Variants in NAPSA observed in about 807,000 individuals in gnomAD.
NAPSA encodes the protein napsin-A.
Under a neutral mutation model 36.7 loss-of-function variants are expected in NAPSA, and 37 were observed. The ratio of observed to expected loss-of-function variants is 1.01; its 90% CI spans 0.78 to 1.33. The LOEUF is 1.33. NAPSA is among the 40% of genes most tolerant of loss of function. The probability of loss-of-function intolerance (pLI) is 0.00; values close to 1 mark genes in which losing one functional copy is unlikely to be tolerated. For synonymous variants in NAPSA, 222 were observed against 234.5 expected, an observed-to-expected ratio of 0.95 and a Z score of 0.49; for missense variants, 532 against 543.8, an observed-to-expected ratio of 0.98 and a Z score of 0.21.
Position 50,361,661 on chromosome 19 carries a change from ACAGT to A in NAPSA, c.466_468+1del. 1 of 1,611,044 alleles carries A rather than the reference ACAGT, an allele frequency of 6.2e-7. No homozygotes were observed. The highest frequency in any genetic ancestry group is 8.5e-7 in the Non-Finnish European group (1 of 1,177,602). On this transcript the variant is annotated splice_donor_variant and coding_sequence_variant, in exon 4 of 9. Coordinates refer to ENST00000253719, the MANE Select transcript of NAPSA (RefSeq NM_004851.3). LOFTEE classifies it high-confidence loss of function. The stretch of plus-strand genomic sequence containing the variant: ...GACTTCTGAGAGTCAAAGGCCACTC[ACAGT>A]CAGCTTGTCCTCGCTCAGGATTCCA...
intron 1 of NAPSA, among the ~76,000 whole-genome samples, chr19:50,364,210 C>A (rs1413237766): frequency 1.3e-5 from 2 of 150,382 alleles, no homozygotes; most frequent in African/African-American, 2.4e-5. Context: ...AATCCCAGCA[C>A]TTTCAGAGGC....
At chr19:50,361,281 T>G (rs1601125157) in intron 4 of NAPSA, 141 bp from the exon 5 acceptor site, 2 of 689,776 alleles carry the variant, frequency 2.9e-6, no homozygotes, top group East Asian at 5.4e-5. Context: ...CTATGCCTCT[T>G]GAGAAGCCCC....
chr19:50,360,925 G>A lies in NAPSA; in HGVS notation c.668+16C>T. 6.2e-7 allele frequency: 1 copy of A among 1,610,754 alleles called. No homozygotes were observed. Among genetic ancestry groups the A allele is most frequent in the South Asian group, 1.1e-5 (1 of 90,968 alleles). On this transcript the variant is annotated intron_variant, in intron 5 of 8. Coordinates refer to ENST00000253719, the MANE Select transcript of NAPSA (RefSeq NM_004851.3). ...TTGGGGATAGGACTCATAGATAGGT[G>A]CACACTTCCCAGTACCTGTTGAGGT...
chr19:50,358,553 T>C lies in NAPSA; in HGVS notation c.1263A>G (p.Ter421TrpextTer?), dbSNP rs771164672. The part of the protein sequence containing the change: ...GETAQAQFPG[*>W] ...GCTGCGCATGCGCTTCACTTGGGCG[T>C]CACCCGGGGAACTGCGCCTGCGCAG... Residue 421 changes from the stop codon to tryptophan (W), a stop_lost, in exon 9 of 9, where the codon TGA (stop) becomes TGG (tryptophan). Coordinates refer to ENST00000253719, the MANE Select transcript of NAPSA (RefSeq NM_004851.3). 9 of 1,586,080 alleles carry C rather than the reference T, an allele frequency of 5.7e-6. No individual in the cohort carries two copies. Among genetic ancestry groups the C allele is most frequent in the Non-Finnish European group, 7.7e-6 (9 of 1,166,566 alleles).
intron 1 of NAPSA, 65 bp downstream of exon 1, chr19:50,365,474 A>T: frequency 6.6e-7 from 1 of 1,509,486 alleles, no homozygotes. Flanking sequence ...TGGGAGTCCT[A>T]GACTTAAAGG....
chr19:50,359,421 C>A, intron 7 of NAPSA, 82 bp downstream of exon 7: 1 of 1,572,912 alleles, frequency 6.4e-7, no homozygotes, highest in Non-Finnish European at 8.6e-7. Context: ...AAATACTTGC[C>A]TCCCACCCTC....
At chr19:50,366,192 T>G (rs954477138), upstream of NAPSA, among the ~76,000 whole-genome samples, 9 of 151,778 alleles carry the variant, frequency 5.9e-5, no homozygotes, top group South Asian at 6.2e-4. Flanking sequence ...TTTTTTGGTT[T>G]TTTTTTTTTT....
chr19:50,360,230 A>T (rs2037454551), intron 5 of NAPSA, among the ~76,000 whole-genome samples: 1 of 151,892 alleles, frequency 6.6e-6, no homozygotes, highest in African/African-American at 2.4e-5. Flanking sequence ...AGGAGAAGAG[A>T]ATTTCTGAAT....
At chr19:50,364,163 C>CA (rs1207189728) in intron 1 of NAPSA, among the ~76,000 whole-genome samples, 1 of 150,550 alleles carries the variant, frequency 6.6e-6, no homozygotes, top group Non-Finnish European at 1.5e-5. Context: ...ACTAAAGATA[C>CA]AAAAAAAATT....
Position 50,360,972 on chromosome 19 carries a change from C to G in NAPSA, c.637G>C (p.Asp213His), listed in dbSNP as rs754803616. ...MDVLVEQGLL[D>H]KPVFSFYLNR... ...AGGTAAAAGGAGAAGACAGGCTTAT[C>G]CAATAGCCCCTGCTCCACCAGTACA... The change falls in exon 5 of 9, where the codon GAT (aspartate) becomes CAT (histidine). Residue 213 changes from aspartate (D) to histidine (H), a missense_variant. Physicochemically the swap from Asp to His is moderately conservative, Grantham distance 81. Coordinates refer to ENST00000253719, the MANE Select transcript of NAPSA (RefSeq NM_004851.3). 1 of 1,614,104 alleles carries G rather than the reference C, an allele frequency of 6.2e-7. No homozygotes were observed. Among genetic ancestry groups the G allele is most frequent in the Non-Finnish European group, 8.5e-7 (1 of 1,180,022 alleles).
chr19:50,364,614 CAAAAA>C (rs34476647), intron 1 of NAPSA, among the ~76,000 whole-genome samples: 1 of 39,032 alleles, frequency 2.6e-5, no homozygotes, highest in African/African-American at 9.7e-5. Flanking sequence ...GACTCAGTCT[CAAAAA>C]AAAAAAAAAA....
upstream of NAPSA, among the ~76,000 whole-genome samples, chr19:50,366,247 T>C (rs1312988171): frequency 6.6e-6 from 1 of 151,728 alleles, no homozygotes; most frequent in Non-Finnish European, 1.5e-5. Context: ...ATTACAGGCA[T>C]GCGCAACCAC....
In NAPSA at chr19:50,359,566, T is replaced by C. The variant is rs746183697; in HGVS notation, c.873A>G (p.Gly291=). 9.3e-6 allele frequency: 15 copies of C among 1,613,990 alleles called. No individual in the cohort carries two copies. The Admixed American group carries it at 1.2e-4, about 13-fold the overall frequency. The change falls in exon 7 of 9, where the codon GGA becomes GGG. Residue 291 remains glycine (G), a synonymous_variant. Transcript: ENST00000253719. ...GCAGGGCCCGGATCTCCTCAGTGGG[T>C]CCTGTGATGAGGGACGTGCCCGTAT... ...ILDTGTSLIT[G]PTEEIRALHA... is the part of the protein sequence containing the mutation.
upstream of NAPSA, among the ~76,000 whole-genome samples, chr19:50,368,307 A>G (rs2037575472): frequency 6.6e-6 from 1 of 151,854 alleles, no homozygotes; most frequent in African/African-American, 2.4e-5. Flanking sequence ...CTGGGCAACA[A>G]AGGGAGACCC....
At chr19:50,362,424 A>T in intron 1 of NAPSA, 111 bp from the exon 2 acceptor site, 3 of 977,500 alleles carry the variant, frequency 3.1e-6, no homozygotes, top group Non-Finnish European at 4.4e-6. Flanking sequence ...GCACTACAAT[A>T]GTAGTCAGTA....
chr19:50,369,091 C>G (rs146308238), upstream of NAPSA: 119 of 152,358 alleles, frequency 7.8e-4, no homozygotes, highest in African/African-American at 2.7e-3. Context: ...CCAACACAAT[C>G]TTTCCCGAAT....
rs780102961 is a variant in NAPSA, at chr19:50,358,642, T to A, written c.1174A>T (p.Ser392Cys). 1 of 1,612,992 alleles carries A rather than the reference T, an allele frequency of 6.2e-7. No homozygotes were observed. Among genetic ancestry groups the A allele is most frequent in the Admixed American group, 1.7e-5 (1 of 59,982 alleles). The stretch of plus-strand genomic sequence containing the variant: ...CGCGCCAGGCCCACCCGGGCGCTGC[T>A]CTTCATGTCCCCGCGGTCGAAGACG... ...VAVFDRGDMK[S>C]SARVGLARAR... Residue 392 changes from serine to cysteine, a missense_variant, in exon 9 of 9, where the codon AGC becomes TGC. By Grantham distance (112) the Ser-to-Cys change is moderately radical. Coordinates refer to ENST00000253719, the MANE Select transcript of NAPSA (RefSeq NM_004851.3).
At chr19:50,369,219 G>T (rs1398859038), upstream of NAPSA, 1 of 152,220 alleles carries the variant, frequency 6.6e-6, no homozygotes, top group African/African-American at 2.4e-5. Flanking sequence ...AGGGGCTGCT[G>T]CGGTGCAGCA....
upstream of NAPSA, among the ~76,000 whole-genome samples, chr19:50,368,706 G>C (rs1035530590): frequency 5.9e-5 from 9 of 152,110 alleles, no homozygotes; most frequent in Non-Finnish European, 8.8e-5. Flanking sequence ...GCGCCCTTAA[G>C]TAGTTTGAGA....
Sources: allele counts gnomAD v4.1 joint callset (sites outside exome capture counted in the v4.1 genomes callset), GRCh38; gene constraint gnomAD v4.1.1; transcripts MANE v1.5; gene names NCBI Gene and HGNC (gene_info 2026-07-23, HGNC 2026-07-21).